DNAJC11: variants seen among roughly 807,000 people sequenced by gnomAD.
The protein encoded by DNAJC11 is dnaJ homolog subfamily C member 11.
In DNAJC11, 15 loss-of-function variants were observed where a neutral mutation model predicts 78.6. The observed-to-expected ratio is 0.19, with a 90% confidence interval of 0.13 to 0.29. The LOEUF is 0.29. Among genes scored for constraint, DNAJC11 ranks in the 10% least tolerant of loss-of-function variants. The pLI is 1.00. For synonymous variants in DNAJC11, 292 were observed against 272.1 expected, an observed-to-expected ratio of 1.07 and a Z score of -0.72; for missense variants, 547 against 709.6, an observed-to-expected ratio of 0.77 and a Z score of 2.60.
At chr1:6,687,354 C>CTTT (rs70981400) in intron 1 of DNAJC11, among the ~76,000 whole-genome samples, 18 of 119,030 alleles carry the variant, frequency 1.5e-4, no homozygotes, top group African/African-American at 2.5e-4. Context: ...AATACAGTCC[C>CTTT]TTTTTTTTTT....
At chr1:6,654,108 C>T (rs936552734) in intron 4 of DNAJC11, 69 bp from the exon 5 acceptor site, 1 of 1,572,476 alleles carries the variant, frequency 6.4e-7, no homozygotes, top group Non-Finnish European at 8.7e-7. Context: ...TGCTACACTT[C>T]AACAGCCAGC....
chr1:6,662,561 C>A (rs1020510515), intron 4 of DNAJC11, among the ~76,000 whole-genome samples: 3 of 152,102 alleles, frequency 2.0e-5, no homozygotes, highest in Admixed American at 2.0e-4. Flanking sequence ...TAAAAACGCA[C>A]CAATCAGCGC....
At chr1:6,640,456 TAGTC>T (rs1374277568) in intron 10 of DNAJC11, among the ~76,000 whole-genome samples, 9 of 152,196 alleles carry the variant, frequency 5.9e-5, no homozygotes, top group African/African-American at 9.7e-5. Flanking sequence ...CTTCAAAAGT[TAGTC>T]AGTTAAGGAG....
intron 1 of DNAJC11, among the ~76,000 whole-genome samples, chr1:6,700,904 G>A (rs1642914388): frequency 2.0e-5 from 3 of 152,174 alleles, no homozygotes; most frequent in South Asian, 2.1e-4. Context: ...ACCTGACCCT[G>A]GAAGCCTTCT....
intron 2 of DNAJC11, among the ~76,000 whole-genome samples, chr1:6,678,756 A>AATC (rs1213192415): frequency 2.0e-5 from 3 of 152,262 alleles, no homozygotes; most frequent in East Asian, 3.9e-4. Context: ...GGGCTTAACT[A>AATC]ATCCTCCTGC....
At chr1:6,644,099 T>C (rs1641927715) in intron 10 of DNAJC11, among the ~76,000 whole-genome samples, 1 of 152,264 alleles carries the variant, frequency 6.6e-6, no homozygotes, top group African/African-American at 2.4e-5. Context: ...CTCGATCTCC[T>C]GACCTCGTGA....
At position 6,653,772 on chromosome 1, in the gene DNAJC11, T is replaced by A; in HGVS notation, c.507+139A>T. The stretch of plus-strand genomic sequence containing the variant: ...CACGGCTGGGAATGAAGCGCTTTCT[T>A]TTTTAAGTGGCTAATTGCATCCTTT... On this transcript the variant is annotated intron_variant, in intron 5 of 15. Coordinates refer to ENST00000377577, the MANE Select transcript of DNAJC11 (RefSeq NM_018198.4). The surrounding 1 kb of genome is among the most constrained non-coding windows in gnomAD (Gnocchi z 4.5). 8.4e-7 allele frequency: 1 copy of A among 1,197,522 alleles called. No individual in the cohort carries two copies. The highest frequency in any genetic ancestry group is 1.2e-6 in the Non-Finnish European group (1 of 859,390). The allele number at this position is 1,197,522 out of a possible 1,614,324, so 74.2% of individuals were successfully genotyped here. A position where few individuals can be genotyped will look rare whatever the true frequency, so the allele number is the denominator to read the frequency against.
intron 1 of DNAJC11, among the ~76,000 whole-genome samples, chr1:6,682,319 T>C (rs1642567551): frequency 6.6e-6 from 1 of 152,162 alleles, no homozygotes; most frequent in Non-Finnish European, 1.5e-5. Flanking sequence ...TCTAAATATT[T>C]TCTACAGGAT....
At chr1:6,686,617 C>T (rs768865882) in intron 1 of DNAJC11, among the ~76,000 whole-genome samples, 1 of 152,180 alleles carries the variant, frequency 6.6e-6, no homozygotes, top group Non-Finnish European at 1.5e-5. Flanking sequence ...ACATCACCAG[C>T]TAGAACTAGT....
chr1:6,635,787 C>A, intron 15 of DNAJC11, 87 bp from the exon 16 acceptor site: 1 of 1,522,888 alleles, frequency 6.6e-7, no homozygotes, highest in Non-Finnish European at 9.0e-7. Flanking sequence ...GTCACCCGGA[C>A]CAGCAGCTGG....
Position 6,653,707 on chromosome 1 carries a change from C to T in DNAJC11, c.507+204G>A. ...GACCTTGGGAGCCAAGTGCCCCAGC[C>T]CACACTCCTGCTGGCTCACATGCCA... On this transcript the variant is annotated intron_variant, in intron 5 of 15. Transcript: ENST00000377577. This position sits in a 1 kb window ranked among gnomAD's most constrained non-coding sequence, Gnocchi z 4.5. 3.5e-6 allele frequency: 2 copies of T among 578,590 alleles called. No homozygotes were observed. Among genetic ancestry groups the T allele is most frequent in the South Asian group, 4.0e-5 (2 of 50,412 alleles). 35.8% of individuals were successfully genotyped at this position (578,590 alleles called of 1,614,324 possible).
intron 3 of DNAJC11, among the ~76,000 whole-genome samples, chr1:6,675,586 T>C (rs1480327601): frequency 6.6e-6 from 1 of 152,070 alleles, no homozygotes; most frequent in Non-Finnish European, 1.5e-5. Context: ...TGGTTAATTT[T>C]TTCATTTTTT....
chr1:6,701,513 G>A lies in DNAJC11; in HGVS notation c.72+216C>T, dbSNP rs569308033. On this transcript the variant is annotated intron_variant, in intron 1 of 15. Coordinates refer to ENST00000377577, the MANE Select transcript of DNAJC11 (RefSeq NM_018198.4). The stretch of plus-strand genomic sequence containing the variant: ...GCACGCGGCGCACTGGCCTTCAGGA[G>A]CTGGGGCGGAGGCTGGCCCCGGAAC... Among the ~76,000 whole-genome samples, 7 of 152,310 alleles carry A rather than the reference G, an allele frequency of 4.6e-5. 1 individual carries two copies. The highest frequency in any genetic ancestry group is 6.8e-3 in the Middle Eastern group (2 of 294).
chr1:6,653,755 G>T lies in DNAJC11; in HGVS notation c.507+156C>A. ...CCAGCACAGCGGTAACACACGGCTG[G>T]GAATGAAGCGCTTTCTTTTTTAAGT... On this transcript the variant is annotated intron_variant, in intron 5 of 15. Transcript: ENST00000377577. This position sits in a 1 kb window ranked among gnomAD's most constrained non-coding sequence, Gnocchi z 4.5. 4 of 999,656 alleles carry T rather than the reference G, an allele frequency of 4.0e-6. No individual in the cohort carries two copies. Among genetic ancestry groups the T allele is most frequent in the Non-Finnish European group, 4.3e-6 (3 of 697,356 alleles). 61.9% of individuals were successfully genotyped at this position (999,656 alleles called of 1,614,324 possible). A position where few individuals can be genotyped will look rare whatever the true frequency, so the allele number is the denominator to read the frequency against.
At chr1:6,647,243 G>A (rs1249629790) in intron 7 of DNAJC11, among the ~76,000 whole-genome samples, 2 of 151,794 alleles carry the variant, frequency 1.3e-5, no homozygotes, top group East Asian at 1.9e-4. Context: ...CACCATGTCC[G>A]GTTAATATTT....
At chr1:6,654,483 C>T (rs544451775) in intron 4 of DNAJC11, among the ~76,000 whole-genome samples, 1 of 152,234 alleles carries the variant, frequency 6.6e-6, no homozygotes, top group South Asian at 2.1e-4. Context: ...AAAATACCTT[C>T]AAAGATAAAG....
rs182721757 is a variant in DNAJC11, at chr1:6,641,825, T to C, written c.1098-1768A>G. Among the ~76,000 whole-genome samples, 45 of 152,308 alleles carry C rather than the reference T, an allele frequency of 3.0e-4. 1 individual carries two copies. Among genetic ancestry groups the C allele is most frequent in the African/African-American group, 1.0e-3 (43 of 41,578 alleles). On this transcript the variant is annotated intron_variant, in intron 10 of 15. Coordinates refer to ENST00000377577, the MANE Select transcript of DNAJC11 (RefSeq NM_018198.4). ...AAGTACCACGATGGGTTTTAGGTTC[T>C]AGAAGTGCGGGTGAGAATAAAATGG...
At chr1:6,638,454 GCAAA>G (rs1289051326) in intron 11 of DNAJC11, 90 bp from the exon 12 acceptor site, 9 of 1,259,678 alleles carry the variant, frequency 7.1e-6, no homozygotes, top group African/African-American at 3.0e-5. Context: ...CCCGAGCCCA[GCAAA>G]CAGTCTGTGA....
chr1:6,687,800 C>T lies in DNAJC11; in HGVS notation c.73-6763G>A, dbSNP rs182151430. Reference sequence around the variant, plus strand: ...TTCATCGTCAAACAGAAATAAACCCCAATGATGTATTTGGAATCATACAAC... The same window carrying T: ...TTCATCGTCAAACAGAAATAAACCCTAATGATGTATTTGGAATCATACAAC... On this transcript the variant is annotated intron_variant, in intron 1 of 15. Transcript: ENST00000377577. Among the ~76,000 whole-genome samples the T allele has an allele frequency of 3.5e-3, 526 of 152,158 alleles. 5 individuals carry two copies. The highest frequency in any genetic ancestry group is 5.6e-3 in the Non-Finnish European group (380 of 68,014).
Sources: allele counts gnomAD v4.1 joint callset (sites outside exome capture counted in the v4.1 genomes callset), GRCh38; gene constraint gnomAD v4.1.1; non-coding constraint Gnocchi (gnomAD v3.1); transcripts MANE v1.5; gene names NCBI Gene and HGNC (gene_info 2026-07-23, HGNC 2026-07-21).